Variants in TBCEL observed in about 807,000 individuals in gnomAD.
TBCEL encodes tubulin-specific chaperone cofactor E-like protein.
TBCEL carries 15 observed loss-of-function variants against 44.2 expected under a neutral mutation model. That is an observed-to-expected ratio of 0.34 (90% CI 0.23 to 0.52). The LOEUF is 0.52. Among genes scored for constraint, TBCEL ranks in the 20% least tolerant of loss-of-function variants. TBCEL has a pLI of 0.95. For missense variants in TBCEL, 319 were observed against 506.3 expected, an observed-to-expected ratio of 0.63 and a Z score of 3.55; for synonymous variants, 171 against 185.4, an observed-to-expected ratio of 0.92 and a Z score of 0.63.
chr11:121,080,524 G>A (rs544953149), intron 8 of TBCEL, among the ~76,000 whole-genome samples: 11 of 152,216 alleles, frequency 7.2e-5, no homozygotes, highest in African/African-American at 2.4e-4. Context: ...GAATGCCTTC[G>A]CCATTGGAAA....
At chr11:121,071,474 A>G (rs1196705588) in intron 8 of TBCEL, among the ~76,000 whole-genome samples, 5 of 152,194 alleles carry the variant, frequency 3.3e-5, no homozygotes, top group African/African-American at 1.2e-4. Flanking sequence ...CAATTATTTG[A>G]TGGAAAGAGG....
chr11:121,030,434 G>T (rs1945123225), intron 1 of TBCEL, among the ~76,000 whole-genome samples: 1 of 152,214 alleles, frequency 6.6e-6, no homozygotes, highest in Non-Finnish European at 1.5e-5. Flanking sequence ...TGTGGAGAAT[G>T]ATTTGTATAA....
At chr11:121,050,865 T>C (rs1196236728) in intron 4 of TBCEL, among the ~76,000 whole-genome samples, 2 of 151,742 alleles carry the variant, frequency 1.3e-5, no homozygotes, top group African/African-American at 2.4e-5. Context: ...TTTCTGCACA[T>C]GAGCATACTC....
At chr11:121,042,386 G>A (rs186025609) in intron 2 of TBCEL, among the ~76,000 whole-genome samples, 1 of 152,154 alleles carries the variant, frequency 6.6e-6, no homozygotes, top group Admixed American at 6.6e-5. Context: ...TGGTGGTGAG[G>A]AGTTTACATT....
intron 4 of TBCEL, among the ~76,000 whole-genome samples, chr11:121,048,674 A>G (rs1234683012): frequency 2.6e-5 from 4 of 151,896 alleles, no homozygotes; most frequent in Non-Finnish European, 5.9e-5. Context: ...TCCTGCATAA[A>G]GGCCTACAGT....
chr11:121,026,079 T>C (rs531885344), intron 1 of TBCEL, among the ~76,000 whole-genome samples: 1 of 152,348 alleles, frequency 6.6e-6, no homozygotes, highest in Non-Finnish European at 1.5e-5. Context: ...TTCTTCTTAC[T>C]GCAGTAATTA....
At chr11:121,044,489 C>T (rs1293564697) in intron 2 of TBCEL, among the ~76,000 whole-genome samples, 1 of 152,092 alleles carries the variant, frequency 6.6e-6, no homozygotes, top group African/African-American at 2.4e-5. Flanking sequence ...TACATTTTGA[C>T]TACAGTTCCT....
chr11:121,053,668 C>T lies in TBCEL; in HGVS notation c.391C>T (p.Leu131Phe). The T allele has an allele frequency of 6.2e-7, 1 of 1,612,250 alleles. No individual in the cohort carries two copies. The highest frequency in any genetic ancestry group is 8.5e-7 in the Non-Finnish European group (1 of 1,178,954). The change falls in exon 5 of 9, where the codon CTT becomes TTT. Residue 131 changes from leucine to phenylalanine, a missense_variant. Coordinates refer to ENST00000683345, the MANE Select transcript of TBCEL (RefSeq NM_001363644.2). ...TGGGTCCTTCTCTGGGGTTCGCAAA[C>T]TTGTCCTCAACAACAGCAAAGCTTC... is the stretch of plus-strand genomic sequence containing the variant. ...CAGSFSGVRK[L>F]VLNNSKASWE...
intron 2 of TBCEL, among the ~76,000 whole-genome samples, chr11:121,040,332 G>A (rs746510836): frequency 6.6e-6 from 1 of 152,116 alleles, no homozygotes; most frequent in Non-Finnish European, 1.5e-5. Context: ...CATTTAACTT[G>A]GCTAGCAAAG....
intron 8 of TBCEL, among the ~76,000 whole-genome samples, chr11:121,061,398 T>C (rs1403682714): frequency 6.6e-6 from 1 of 151,950 alleles, no homozygotes; most frequent in East Asian, 1.9e-4. Flanking sequence ...CACATATATA[T>C]ATATACATGT....
At chr11:121,058,704 CA>C (rs1188138760) in intron 7 of TBCEL, among the ~76,000 whole-genome samples, 1 of 151,856 alleles carries the variant, frequency 6.6e-6, no homozygotes, top group Non-Finnish European at 1.5e-5. Context: ...AATATTTCTA[CA>C]AATCTGTTTT....
chr11:121,071,630 A>G (rs1466619440), intron 8 of TBCEL, among the ~76,000 whole-genome samples: 1 of 152,174 alleles, frequency 6.6e-6, no homozygotes, highest in African/African-American at 2.4e-5. Flanking sequence ...TATGATGGCA[A>G]GGATTACATT....
At chr11:121,048,879 A>G (rs1160282484) in intron 4 of TBCEL, among the ~76,000 whole-genome samples, 1 of 151,760 alleles carries the variant, frequency 6.6e-6, no homozygotes, top group African/African-American at 2.4e-5. Flanking sequence ...TTTCTTGTCT[A>G]CCTGGCCACT....
At chr11:121,039,327 A>C (rs1181326247) in intron 2 of TBCEL, among the ~76,000 whole-genome samples, 1 of 152,176 alleles carries the variant, frequency 6.6e-6, no homozygotes, top group Non-Finnish European at 1.5e-5. Context: ...TTCCTTGATC[A>C]CACTTCTGAA....
intron 2 of TBCEL, among the ~76,000 whole-genome samples, chr11:121,038,474 G>T (rs943758266): frequency 6.6e-6 from 1 of 152,020 alleles, no homozygotes; most frequent in Non-Finnish European, 1.5e-5. Flanking sequence ...TACTTAAAAT[G>T]TATAAGAATC....
At chr11:121,066,493 T>C (rs1309146776) in intron 8 of TBCEL, among the ~76,000 whole-genome samples, 1 of 152,222 alleles carries the variant, frequency 6.6e-6, no homozygotes, top group Non-Finnish European at 1.5e-5. Context: ...CAGCCAAAGT[T>C]GGCATATATC....
chr11:121,028,439 A>G (rs1178064836), intron 1 of TBCEL, among the ~76,000 whole-genome samples: 2 of 152,234 alleles, frequency 1.3e-5, no homozygotes, highest in Non-Finnish European at 2.9e-5. Context: ...GAGCAATATC[A>G]TAATTCAGCA....
intron 8 of TBCEL, among the ~76,000 whole-genome samples, chr11:121,078,641 A>C (rs923615924): frequency 6.6e-6 from 1 of 151,740 alleles, no homozygotes; most frequent in African/African-American, 2.4e-5. Context: ...GCCTCTCATC[A>C]CTCAATTCTA....
intron 1 of TBCEL, among the ~76,000 whole-genome samples, chr11:121,034,315 G>A (rs544038386): frequency 6.6e-6 from 1 of 152,048 alleles, no homozygotes; most frequent in Non-Finnish European, 1.5e-5. Context: ...AGGTACAGTA[G>A]GAGTACAAAA....
Sources: allele counts gnomAD v4.1 joint callset (sites outside exome capture counted in the v4.1 genomes callset), GRCh38; gene constraint gnomAD v4.1.1; transcripts MANE v1.5; gene names NCBI Gene and HGNC (gene_info 2026-07-23, HGNC 2026-07-21).